The following UGT1A9 variants were observed in gnomAD, a reference collection of about 807,000 sequenced individuals.
The protein encoded by UGT1A9 is UDP glucuronosyltransferase family 1 member A9.
UGT1A9 carries 35 observed loss-of-function variants against 45.0 expected under a neutral mutation model. The observed-to-expected ratio is 0.78, with a 90% CI of 0.59 to 1.03. The LOEUF (loss-of-function observed/expected upper bound fraction) is 1.03, where lower values mean the gene tolerates loss of function less well. Among genes scored for constraint, UGT1A9 ranks in the 50% least tolerant of loss-of-function variants. The pLI, the probability that UGT1A9 is intolerant of heterozygous loss-of-function variation, is 0.00. For synonymous variants in UGT1A9, 278 were observed against 250.6 expected, an observed-to-expected ratio of 1.11 and a Z score of -1.03; for missense variants, 687 against 666.6, an observed-to-expected ratio of 1.03 and a Z score of -0.34.
At chr2:233,708,713 T>G (rs1289460681) in intron 1 of UGT1A9, 1 of 152,206 alleles carries the variant, frequency 6.6e-6, no homozygotes, top group Non-Finnish European at 1.5e-5. Flanking sequence ...TTTGCATCAT[T>G]GCACCTCAGC....
chr2:233,760,664 G>T, intron 1 of UGT1A9: 3 of 1,614,182 alleles, frequency 1.9e-6, no homozygotes, highest in Non-Finnish European at 2.5e-6. Flanking sequence ...CTTTTGTCTG[G>T]CTGTTCCCAC....
At chr2:233,741,541 C>T (rs1479891345) in intron 1 of UGT1A9, 1 of 151,844 alleles carries the variant, frequency 6.6e-6, no homozygotes, top group Non-Finnish European at 1.5e-5. Flanking sequence ...TATTCTGATA[C>T]TTCTTTTATG....
At chr2:233,756,792 A>G (rs1306951497) in intron 1 of UGT1A9, among the ~76,000 whole-genome samples, 1 of 152,054 alleles carries the variant, frequency 6.6e-6, no homozygotes, top group Non-Finnish European at 1.5e-5. Context: ...TTGTGGGGCA[A>G]TACACTAGTA....
intron 2 of UGT1A9, 34 bp downstream of exon 2, chr2:233,767,199 T>C (rs2126030914): frequency 1.9e-6 from 3 of 1,613,616 alleles, no homozygotes; most frequent in East Asian, 4.5e-5. Flanking sequence ...CTCATATCTA[T>C]TTTCACAGGA....
chr2:233,736,850 CTGCAGAACAGCAAATAT>C (rs1213146640), intron 1 of UGT1A9, among the ~76,000 whole-genome samples: 4 of 152,338 alleles, frequency 2.6e-5, no homozygotes, highest in African/African-American at 7.2e-5. Flanking sequence ...CCAGTGGAGG[CTGCAGAACAGCAAATAT>C]TGCAGAACAG....
chr2:233,682,399 C>T, intron 1 of UGT1A9: 3 of 1,613,850 alleles, frequency 1.9e-6, no homozygotes, highest in Non-Finnish European at 2.5e-6. Flanking sequence ...ATGCCTGTGG[C>T]TTAATTGTTG....
At chr2:233,684,065 A>G (rs899835488) in intron 1 of UGT1A9, among the ~76,000 whole-genome samples, 9 of 152,174 alleles carry the variant, frequency 5.9e-5, no homozygotes, top group African/African-American at 2.2e-4. Context: ...GTCTGATCTA[A>G]GTATATTATT....
chr2:233,727,556 C>T (rs2077628647), intron 1 of UGT1A9, among the ~76,000 whole-genome samples: 1 of 152,116 alleles, frequency 6.6e-6, no homozygotes, highest in Non-Finnish European at 1.5e-5. Context: ...CACCTGGGCT[C>T]ATCATGAGGG....
rs565737138 is a variant in UGT1A9 at position 233,740,144 on chromosome 2, C to T, written c.856-26890C>T. 2.0e-5 allele frequency among the ~76,000 whole-genome samples: 3 copies of T among 151,952 alleles called. No individual in the cohort carries two copies. The South Asian group carries it at 6.2e-4, about 31-fold the overall frequency. On this transcript the variant is annotated intron_variant, in intron 1 of 4. Coordinates refer to ENST00000354728, the MANE Select transcript of UGT1A9 (RefSeq NM_021027.3). Reference sequence around the variant, plus strand: ...ACCTTCTGTCATGATTGTAAGTTTCCTGAGGCCTCCCCAGTCATGTGGAAC... The same window carrying T: ...ACCTTCTGTCATGATTGTAAGTTTCTTGAGGCCTCCCCAGTCATGTGGAAC...
At chr2:233,725,044 AGGCGTGGCGGCGCGCGCCTGCAATCGCAG>A (rs1160459932) in intron 1 of UGT1A9, among the ~76,000 whole-genome samples, 1 of 148,048 alleles carries the variant, frequency 6.8e-6, no homozygotes, top group Non-Finnish European at 1.5e-5. Flanking sequence ...AAAACCAGTC[AGGCGTGGCGGCGCGCGCCTGCAATCGCAG>A]GCACTCGGCA....
rs1443134850 is a variant in UGT1A9, at chr2:233,719,013, G to A, written c.855+46224G>A. 5 of 1,614,222 alleles carry A rather than the reference G, an allele frequency of 3.1e-6. No homozygotes were observed. The African/African-American group carries it at 5.3e-5, about 17-fold the overall frequency. On this transcript the variant is annotated intron_variant, in intron 1 of 4. Transcript: ENST00000354728. ...CCAGGCGGTGGTCCTCACCCCAGAG[G>A]TGAATATGCACATCAAAGAAGAGAA... is the stretch of plus-strand genomic sequence containing the variant.
intron 1 of UGT1A9, among the ~76,000 whole-genome samples, chr2:233,761,771 C>A (rs1035405620): frequency 6.6e-6 from 1 of 152,236 alleles, no homozygotes; most frequent in East Asian, 1.9e-4. Context: ...GTAGCATTCA[C>A]ATCCTCATCG....
chr2:233,755,506 C>T (rs1314328553), intron 1 of UGT1A9: 1 of 167,798 alleles, frequency 6.0e-6, no homozygotes, highest in Admixed American at 5.8e-5. Context: ...CAAGACCAGG[C>T]CCCGCCCACT....
intron 1 of UGT1A9, chr2:233,729,857 CAGT>C (rs759461021): frequency 1.9e-6 from 3 of 1,613,876 alleles, no homozygotes; most frequent in Non-Finnish European, 2.5e-6. Flanking sequence ...AGAGAGGTGT[CAGT>C]GGTGGATATT....
Position 233,746,504 on chromosome 2 carries a change from C to T in UGT1A9, c.856-20530C>T, listed in dbSNP as rs747424626. 1.1e-4 allele frequency among the ~76,000 whole-genome samples: 17 copies of T among 151,868 alleles called. 1 individual carries two copies. Among genetic ancestry groups the T allele is most frequent in the East Asian group, 5.8e-4 (3 of 5,180 alleles). Reference sequence around the variant, plus strand: ...CCATGGACATGTCACTCTTTAGTAGCCCCCAAAGCAAGACCATCATATTGC... The same window carrying T: ...CCATGGACATGTCACTCTTTAGTAGTCCCCAAAGCAAGACCATCATATTGC... On this transcript the variant is annotated intron_variant, in intron 1 of 4. Transcript: ENST00000354728.
At chr2:233,767,621 CT>C (rs1156408939) in intron 2 of UGT1A9, among the ~76,000 whole-genome samples, 1 of 152,158 alleles carries the variant, frequency 6.6e-6, no homozygotes, top group Non-Finnish European at 1.5e-5. Context: ...AAGTGCACAG[CT>C]TGATAAATTA....
At chr2:233,760,288 A>G (rs1697385056) in intron 1 of UGT1A9, 1 of 1,613,154 alleles carries the variant, frequency 6.2e-7, no homozygotes, top group Non-Finnish European at 8.5e-7. Context: ...CAAAGGCGCC[A>G]TGGCTGTGGA....
chr2:233,764,644 T>C (rs1207415683), intron 1 of UGT1A9, among the ~76,000 whole-genome samples: 1 of 151,998 alleles, frequency 6.6e-6, no homozygotes, highest in African/African-American at 2.4e-5. Context: ...CTAGGAAATT[T>C]AAGTAAGCCA....
intron 1 of UGT1A9, among the ~76,000 whole-genome samples, chr2:233,699,850 C>G (rs1217397789): frequency 6.6e-6 from 1 of 152,144 alleles, no homozygotes; most frequent in Non-Finnish European, 1.5e-5. Context: ...TCCCCTAGGA[C>G]AGATATGTCT....
Sources: gnomAD v4.1 joint callset for allele counts (sites outside exome capture counted in the v4.1 genomes callset) on GRCh38, gnomAD v4.1.1 for gene constraint, MANE v1.5 for transcripts, NCBI Gene and HGNC (gene_info 2026-07-23, HGNC 2026-07-21) for gene names.